A1CF: variants seen among roughly 807,000 people sequenced by gnomAD.
A1CF encodes APOBEC-1 stimulating protein.
Under a neutral mutation model 68.9 loss-of-function variants are expected in A1CF, and 48 were observed. The ratio of observed to expected loss-of-function variants is 0.70; its 90% CI spans 0.55 to 0.89. The LOEUF (loss-of-function observed/expected upper bound fraction) is 0.89, where lower values mean the gene tolerates loss of function less well. Ranked by LOEUF, A1CF falls within the 40% of genes least tolerant of loss-of-function variation. The pLI is 0.00. For missense variants in A1CF, 653 were observed against 718.9 expected, an observed-to-expected ratio of 0.91 and a Z score of 1.05; for synonymous variants, 272 against 260.4, an observed-to-expected ratio of 1.04 and a Z score of -0.43.
At chr10:50,853,023 A>C (rs2132499227) in intron 3 of A1CF, among the ~76,000 whole-genome samples, 1 of 152,256 alleles carries the variant, frequency 6.6e-6, no homozygotes, top group African/African-American at 2.4e-5. Context: ...GAACTGAACA[A>C]ATTAGAATCA....
chr10:50,809,553 G>A (rs942363486), intron 12 of A1CF, among the ~76,000 whole-genome samples: 9 of 152,076 alleles, frequency 5.9e-5, no homozygotes, highest in African/African-American at 2.2e-4. Context: ...CTAGCACACA[G>A]TAAGATCTCC....
chr10:50,858,308 T>C (rs1589028861), intron 3 of A1CF, among the ~76,000 whole-genome samples: 1 of 150,148 alleles, frequency 6.7e-6, no homozygotes. Flanking sequence ...CTGAATTTCA[T>C]GTGGGGGGAA....
At chr10:50,853,336 C>T (rs1297279199) in intron 3 of A1CF, among the ~76,000 whole-genome samples, 1 of 152,146 alleles carries the variant, frequency 6.6e-6, no homozygotes, top group Non-Finnish European at 1.5e-5. Context: ...GGATACTTGG[C>T]TCCTTGCAGA....
intron 11 of A1CF, among the ~76,000 whole-genome samples, chr10:50,810,578 G>A (rs547759156): frequency 4.7e-4 from 71 of 152,260 alleles, no homozygotes; most frequent in African/African-American, 1.7e-3. Flanking sequence ...AGGTTCAAGT[G>A]ATTCTCCTGC....
intron 1 of A1CF, among the ~76,000 whole-genome samples, chr10:50,867,765 A>G (rs61856592): frequency 0.018 from 2,672 of 152,286 alleles, 36 homozygotes; most frequent in Non-Finnish European, 0.027. Flanking sequence ...AAGTTAGAAG[A>G]TTTCTTGGTT....
intron 1 of A1CF, among the ~76,000 whole-genome samples, chr10:50,868,532 T>C (rs1841100807): frequency 6.6e-6 from 1 of 152,162 alleles, no homozygotes; most frequent in South Asian, 2.1e-4. Context: ...AACATCTTAG[T>C]TTTTTAAAAC....
At chr10:50,830,409 G>A (rs376471765) in intron 6 of A1CF, among the ~76,000 whole-genome samples, 2 of 152,196 alleles carry the variant, frequency 1.3e-5, no homozygotes, top group East Asian at 3.9e-4. Context: ...AACAAGCTCA[G>A]TATAGCTGTA....
At chr10:50,873,455 A>G (rs1417738359) in intron 1 of A1CF, among the ~76,000 whole-genome samples, 1 of 152,168 alleles carries the variant, frequency 6.6e-6, no homozygotes, top group Admixed American at 6.5e-5. Context: ...CACACAGGGA[A>G]TGAGTAAGGT....
At chr10:50,864,705 G>A (rs550864108) in intron 1 of A1CF, among the ~76,000 whole-genome samples, 1 of 152,002 alleles carries the variant, frequency 6.6e-6, no homozygotes, top group African/African-American at 2.4e-5. Flanking sequence ...CGCAACCTCC[G>A]CATCCCAGGT....
chr10:50,852,681 T>C (rs1840302595), intron 3 of A1CF, among the ~76,000 whole-genome samples: 1 of 152,156 alleles, frequency 6.6e-6, no homozygotes, highest in Admixed American at 6.5e-5. Flanking sequence ...TATTTTGCCA[T>C]GAAGTCAAAT....
At chr10:50,884,998 TA>T (rs1427275717) in intron 1 of A1CF, among the ~76,000 whole-genome samples, 2 of 152,234 alleles carry the variant, frequency 1.3e-5, no homozygotes, top group Non-Finnish European at 2.9e-5. Context: ...TTTTCCATAA[TA>T]TTTTTTTGGT....
intron 6 of A1CF, among the ~76,000 whole-genome samples, chr10:50,833,768 A>T (rs1296218704): frequency 1.3e-5 from 2 of 152,144 alleles, no homozygotes; most frequent in Non-Finnish European, 2.9e-5. Flanking sequence ...CTGAGATCTC[A>T]TTAGAGGTGA....
chr10:50,806,771 AGTT>A lies in A1CF; in HGVS notation c.1716_1718del (p.Thr573del). On this transcript the variant is annotated inframe_deletion, in exon 13 of 13. Coordinates refer to ENST00000373997, the MANE Select transcript of A1CF (RefSeq NM_014576.4). The stretch of plus-strand genomic sequence containing the variant: ...CATCCCCTCGGGCAGTCACTGCAAA[AGTT>A]GGGTAGACCTCATAGGTTGTATATG... 6.2e-7 allele frequency: 1 copy of A among 1,611,744 alleles called. No homozygotes were observed. The highest frequency in any genetic ancestry group is 8.5e-7 in the Non-Finnish European group (1 of 1,178,914).
At chr10:50,865,840 C>T (rs895637067) in intron 1 of A1CF, among the ~76,000 whole-genome samples, 1 of 152,198 alleles carries the variant, frequency 6.6e-6, no homozygotes, top group Non-Finnish European at 1.5e-5. Context: ...ACCTGTACAT[C>T]CTTGTATTGT....
chr10:50,860,806 C>T (rs543244700), intron 2 of A1CF, among the ~76,000 whole-genome samples: 1 of 152,104 alleles, frequency 6.6e-6, no homozygotes, highest in African/African-American at 2.4e-5. Flanking sequence ...GTTCCCAGAA[C>T]AAGATAATGT....
At chr10:50,836,680 C>T (rs1839512027) in intron 5 of A1CF, among the ~76,000 whole-genome samples, 1 of 98,142 alleles carries the variant, frequency 1.0e-5, no homozygotes, top group Non-Finnish European at 1.9e-5. Flanking sequence ...CTAATGCTAT[C>T]CCTCCCCCCT....
chr10:50,879,862 A>AC (rs1227399571), intron 1 of A1CF, among the ~76,000 whole-genome samples: 1 of 152,158 alleles, frequency 6.6e-6, no homozygotes, highest in Non-Finnish European at 1.5e-5. Flanking sequence ...TCTCCAAGTC[A>AC]CAAAATGGGT....
At chr10:50,876,194 G>A (rs7082791) in intron 1 of A1CF, among the ~76,000 whole-genome samples, 3,566 of 152,302 alleles carry the variant, frequency 0.023, 135 homozygotes, top group African/African-American at 0.079. Context: ...AAGTGAACTA[G>A]CACATATGTG....
chr10:50,857,328 C>T (rs1840528224), intron 3 of A1CF, among the ~76,000 whole-genome samples: 1 of 152,130 alleles, frequency 6.6e-6, no homozygotes, highest in South Asian at 2.1e-4. Context: ...ATCTTCTCTT[C>T]TAGCTGTTTT....
Sources: gnomAD v4.1 joint callset for allele counts (sites outside exome capture counted in the v4.1 genomes callset) on GRCh38, gnomAD v4.1.1 for gene constraint, MANE v1.5 for transcripts, NCBI Gene and HGNC (gene_info 2026-07-23, HGNC 2026-07-21) for gene names.